The following CAAP1 variants were observed in gnomAD, a reference collection of about 807,000 sequenced individuals.
The protein encoded by CAAP1 is conserved anti-apoptotic protein.
CAAP1 carries 20 observed loss-of-function variants against 34.0 expected under a neutral mutation model. The observed-to-expected ratio is 0.59, with a 90% CI of 0.41 to 0.86. CAAP1 has a LOEUF of 0.86. CAAP1 is among the 40% of genes least tolerant of loss of function. The pLI is 0.00. For missense variants in CAAP1, 538 were observed against 450.5 expected (o/e 1.19, Z -1.76); for synonymous variants, 213 against 166.7 (o/e 1.28, Z -2.14).
At chr9:26,875,965 A>G (rs1436867056) in intron 4 of CAAP1, among the ~76,000 whole-genome samples, 1 of 152,216 alleles carries the variant, frequency 6.6e-6, no homozygotes, top group African/African-American at 2.4e-5. Context: ...ACATTTTATT[A>G]GTTTTCTATT....
chr9:26,861,276 T>G, intron 4 of CAAP1, 137 bp from the exon 5 acceptor site: 1 of 592,042 alleles, frequency 1.7e-6, no homozygotes, highest in South Asian at 2.4e-5. Flanking sequence ...TCATTCAGTG[T>G]ACTCTGGAAG....
intron 4 of CAAP1, among the ~76,000 whole-genome samples, chr9:26,883,361 G>A (rs186420167): frequency 2.4e-3 from 361 of 152,212 alleles, no homozygotes; most frequent in Non-Finnish European, 3.4e-3. Context: ...TCTTGCTGCC[G>A]CCATGTATGA....
chr9:26,873,087 T>TA (rs1162477710), intron 4 of CAAP1, among the ~76,000 whole-genome samples: 1 of 152,100 alleles, frequency 6.6e-6, no homozygotes, highest in Non-Finnish European at 1.5e-5. Flanking sequence ...ACATGGTCTC[T>TA]ACAAAAAATT....
At chr9:26,884,670 A>T in intron 4 of CAAP1, 140 bp downstream of exon 4, 1 of 694,642 alleles carries the variant, frequency 1.4e-6, no homozygotes, top group Non-Finnish European at 2.5e-6. Flanking sequence ...CAATCATTAC[A>T]AGTAGACAAA....
intron 3 of CAAP1, among the ~76,000 whole-genome samples, chr9:26,885,723 T>G (rs1036227516): frequency 2.0e-5 from 3 of 152,112 alleles, no homozygotes; most frequent in Admixed American, 6.5e-5. Context: ...TGGGTCTTAT[T>G]AGAGAGTAAA....
chr9:26,887,988 A>C (rs1002835532), intron 1 of CAAP1, among the ~76,000 whole-genome samples: 3 of 152,240 alleles, frequency 2.0e-5, no homozygotes, highest in African/African-American at 7.2e-5. Context: ...TAATCAAAGT[A>C]ACCAAGTAAT....
rs759061339 is a variant in CAAP1 at position 26,861,173 on chromosome 9, T to C, written c.666-34A>G. 3 of 1,464,834 alleles carry C rather than the reference T, an allele frequency of 2.0e-6. No homozygotes were observed. The African/African-American group carries it at 4.2e-5, about 21-fold the overall frequency. 90.7% of individuals were successfully genotyped at this position (1,464,834 alleles called of 1,614,324 possible). A position where few individuals can be genotyped will look rare whatever the true frequency, so the allele number is the denominator to read the frequency against. ...TGAAAATAAGATCAACCTTTAAAAC[T>C]ATATTTAATCACATAATATTTACTA... is the stretch of plus-strand genomic sequence containing the variant. On this transcript the variant is annotated intron_variant, in intron 4 of 5. Coordinates refer to ENST00000333916, the MANE Select transcript of CAAP1 (RefSeq NM_024828.4).
At chr9:26,862,356 C>T (rs1823020886) in intron 4 of CAAP1, among the ~76,000 whole-genome samples, 1 of 151,826 alleles carries the variant, frequency 6.6e-6, no homozygotes, top group African/African-American at 2.4e-5. Flanking sequence ...AAAACGTTTG[C>T]TTTCACACAT....
Position 26,884,895 on chromosome 9 carries a change from G to GA in CAAP1, c.590-11dup. 1.3e-6 allele frequency: 2 copies of GA among 1,579,600 alleles called. No individual in the cohort carries two copies. Among genetic ancestry groups the GA allele is most frequent in the Non-Finnish European group, 1.7e-6 (2 of 1,155,744 alleles). On this transcript the variant is annotated splice_polypyrimidine_tract_variant and intron_variant, in intron 3 of 5. Transcript: ENST00000333916. The stretch of plus-strand genomic sequence containing the variant: ...TCCATTCCATTGTCACCTTATAAAT[G>GA]AAAGAAACTATTGAAAGCACACTTA...
chr9:26,871,401 A>G (rs964848220), intron 4 of CAAP1, among the ~76,000 whole-genome samples: 3 of 151,972 alleles, frequency 2.0e-5, no homozygotes, highest in African/African-American at 7.3e-5. Context: ...AGCATGGTGA[A>G]ACCCTGTCTC....
At chr9:26,890,762 G>T (rs1353071613) in intron 1 of CAAP1, among the ~76,000 whole-genome samples, 1 of 152,098 alleles carries the variant, frequency 6.6e-6, no homozygotes, top group African/African-American at 2.4e-5. Flanking sequence ...TGGCTAACAC[G>T]GTGAAACCCC....
chr9:26,877,486 C>T (rs367839047), intron 4 of CAAP1, among the ~76,000 whole-genome samples: 1 of 152,138 alleles, frequency 6.6e-6, no homozygotes, highest in African/African-American at 2.4e-5. Flanking sequence ...TGAGTACATG[C>T]GTATATCATC....
intron 4 of CAAP1, among the ~76,000 whole-genome samples, chr9:26,865,770 A>G (rs1419498111): frequency 6.6e-6 from 1 of 152,186 alleles, no homozygotes; most frequent in Non-Finnish European, 1.5e-5. Flanking sequence ...ATGAGGTAGG[A>G]TTCTATTTTC....
chr9:26,882,762 A>G (rs1053491448), intron 4 of CAAP1, among the ~76,000 whole-genome samples: 1 of 152,210 alleles, frequency 6.6e-6, no homozygotes, highest in Non-Finnish European at 1.5e-5. Context: ...GAAAGCAGCT[A>G]GGAGGGAGGC....
intron 5 of CAAP1, among the ~76,000 whole-genome samples, chr9:26,856,175 A>G (rs750309585): frequency 1.3e-4 from 20 of 152,066 alleles, no homozygotes; most frequent in African/African-American, 2.4e-4. Flanking sequence ...CTCTGTGTGC[A>G]TATTTTGTGC....
chr9:26,850,339 A>G (rs1822716949), intron 5 of CAAP1, among the ~76,000 whole-genome samples: 1 of 152,146 alleles, frequency 6.6e-6, no homozygotes, highest in African/African-American at 2.4e-5. Context: ...GGGGTTGGAG[A>G]GACAGAACAT....
chr9:26,857,850 A>G (rs1035911226), intron 5 of CAAP1, among the ~76,000 whole-genome samples: 4 of 151,854 alleles, frequency 2.6e-5, no homozygotes, highest in African/African-American at 9.7e-5. Context: ...TTTTCTAGCA[A>G]CAAAGATGAA....
intron 1 of CAAP1, among the ~76,000 whole-genome samples, chr9:26,889,601 T>A (rs1015772407): frequency 1.3e-5 from 2 of 151,928 alleles, no homozygotes; most frequent in African/African-American, 4.8e-5. Context: ...ACAGCTGTAA[T>A]CCCAGCACTT....
At chr9:26,870,163 C>T (rs1823240348) in intron 4 of CAAP1, among the ~76,000 whole-genome samples, 1 of 151,726 alleles carries the variant, frequency 6.6e-6, no homozygotes, top group African/African-American at 2.4e-5. Context: ...GAAATGAAGA[C>T]CCCATCTGGG....
Sources: allele counts gnomAD v4.1 joint callset (sites outside exome capture counted in the v4.1 genomes callset), GRCh38; gene constraint gnomAD v4.1.1; transcripts MANE v1.5; gene names NCBI Gene and HGNC (gene_info 2026-07-23, HGNC 2026-07-21).